The following VPS53 variants were observed in gnomAD, a reference collection of about 807,000 sequenced individuals.
VPS53 encodes VPS53 subunit of GARP complex, also known as vacuolar protein sorting-associated protein 53 homolog.
In VPS53, 70 loss-of-function variants were observed where a neutral mutation model predicts 107.0. That is an observed-to-expected ratio of 0.65 (90% CI 0.54 to 0.80). VPS53 has a LOEUF of 0.80. Ranked by LOEUF, VPS53 falls within the 30% of genes least tolerant of loss-of-function variation. VPS53 has a pLI of 0.00. For synonymous variants in VPS53, 409 were observed against 393.3 expected, an observed-to-expected ratio of 1.04 and a Z score of -0.47; for missense variants, 917 against 1,049.4, an observed-to-expected ratio of 0.87 and a Z score of 1.74.
intron 11 of VPS53, chr17:616,506 TC>T (rs1969140889): frequency 6.6e-6 from 1 of 152,322 alleles, no homozygotes; most frequent in African/African-American, 2.4e-5. Context: ...GCTCAAGTGT[TC>T]CTAGCTGACC....
At chr17:649,802 T>A (rs1238189326) in intron 7 of VPS53, among the ~76,000 whole-genome samples, 1 of 152,248 alleles carries the variant, frequency 6.6e-6, no homozygotes, top group Non-Finnish European at 1.5e-5. Flanking sequence ...ACCCAGTGCT[T>A]TAACAAACAC....
chr17:637,477 C>T (rs1374376210), intron 7 of VPS53, among the ~76,000 whole-genome samples: 3 of 152,144 alleles, frequency 2.0e-5, no homozygotes, highest in African/African-American at 7.2e-5. Flanking sequence ...AATGTGTTTG[C>T]TCTTGCTTCT....
chr17:654,882 A>C lies in VPS53; in HGVS notation c.488+956T>G, dbSNP rs138800352. Among the ~76,000 whole-genome samples, 1,048 of 152,220 alleles carry C rather than the reference A, an allele frequency of 6.9e-3. 7 individuals are homozygous for C. Among genetic ancestry groups the C allele is most frequent in the Middle Eastern group, 0.031 (9 of 292 alleles). ...TGCCTGGTCTGATGGTTTGGTGGAC[A>C]CCGACCACCCCACGAAGGAACAAAT... is the stretch of plus-strand genomic sequence containing the variant. On this transcript the variant is annotated intron_variant, in intron 6 of 21. Transcript: ENST00000437048.
At chr17:702,197 T>C (rs1973225691) in intron 2 of VPS53, among the ~76,000 whole-genome samples, 1 of 151,312 alleles carries the variant, frequency 6.6e-6, no homozygotes. Context: ...TACAAAAAAA[T>C]AGAAAAATTA....
intron 4 of VPS53, among the ~76,000 whole-genome samples, chr17:663,950 G>A (rs1295274794): frequency 1.3e-5 from 2 of 152,172 alleles, no homozygotes; most frequent in Non-Finnish European, 2.9e-5. Context: ...TGAATTGACA[G>A]GTGTGGTGAA....
intron 4 of VPS53, among the ~76,000 whole-genome samples, chr17:688,008 G>A (rs1361260588): frequency 2.0e-5 from 3 of 152,118 alleles, no homozygotes; most frequent in Non-Finnish European, 4.4e-5. Flanking sequence ...GTCCTTCACT[G>A]TACATAGAGG....
At position 697,442 on chromosome 17, in the gene VPS53, C is replaced by T. The variant is rs79177788; in HGVS notation, c.261G>A (p.Thr87=). Reference sequence around the variant, plus strand: ...CTTGCCGTCCATCCTGCCCCACGTTCGTCTGACCTCTTACAACAGTTCGAA... The same window carrying T: ...CTTGCCGTCCATCCTGCCCCACGTTTGTCTGACCTCTTACAACAGTTCGAA... ...DNIRTVVRGQ[T]NVGQDGRQAL... Residue 87 remains threonine (T), a synonymous_variant, in exon 4 of 22, where the codon ACG becomes ACA. Transcript: ENST00000437048. 3.1e-6 allele frequency: 5 copies of T among 1,614,054 alleles called. No homozygotes were observed. The highest frequency in any genetic ancestry group is 1.3e-5 in the African/African-American group (1 of 75,040).
chr17:541,322 C>T (rs962377117), intron 17 of VPS53, among the ~76,000 whole-genome samples: 1 of 152,204 alleles, frequency 6.6e-6, no homozygotes, highest in Non-Finnish European at 1.5e-5. Flanking sequence ...GTTTATCAAC[C>T]GCCTGCCACA....
intron 11 of VPS53, among the ~76,000 whole-genome samples, chr17:611,941 T>C (rs1258435396): frequency 6.6e-6 from 1 of 151,948 alleles, no homozygotes; most frequent in Non-Finnish European, 1.5e-5. Flanking sequence ...TGAAAACCTG[T>C]ACAGATATTC....
rs7212329 is a variant in VPS53, at chr17:535,422, G to C, written c.2015+1606C>G. Among the ~76,000 whole-genome samples the C allele has an allele frequency of 2.0e-3, 244 of 124,358 alleles. 3 individuals are homozygous for C. Among genetic ancestry groups the C allele is most frequent in the African/African-American group, 6.4e-3 (233 of 36,506 alleles). The allele number at this position is 124,358 out of a possible 152,430, so 81.6% of individuals were successfully genotyped here. A position where few individuals can be genotyped will look rare whatever the true frequency, so the allele number is the denominator to read the frequency against. ...GGCTAAGTCAACGGACTCCTCCTTC[G>C]CTTTAATGTAAGCTCAATCATATGA... On this transcript the variant is annotated intron_variant, in intron 18 of 21. Transcript: ENST00000437048.
intron 5 of VPS53, among the ~76,000 whole-genome samples, chr17:656,539 G>A (rs145709452): frequency 6.8e-4 from 103 of 152,290 alleles, no homozygotes; most frequent in African/African-American, 2.4e-3. Context: ...TGACAGTGTT[G>A]TTTCAGCAGG....
chr17:698,903 C>G (rs1366514682), intron 3 of VPS53, among the ~76,000 whole-genome samples: 1 of 152,026 alleles, frequency 6.6e-6, no homozygotes, highest in Non-Finnish European at 1.5e-5. Context: ...TGCGGTGGCT[C>G]ACCCCTGTCA....
rs202196748 is a variant in VPS53, at chr17:661,893, C to T, written c.288G>A (p.Ala96=). The T allele has an allele frequency of 1.8e-5, 28 of 1,551,740 alleles. No homozygotes were observed. The highest frequency in any genetic ancestry group is 3.9e-5 in the Admixed American group (2 of 50,920). ...QTNVGQDGRQ[A]LEEAQKAIQQ... Reference sequence around the variant, plus strand: ...GGATAGCTTTCTGAGCCTCTTCAAGCGCCTAGAGTAAGGGAAATACATGAA... The same window carrying T: ...GGATAGCTTTCTGAGCCTCTTCAAGTGCCTAGAGTAAGGGAAATACATGAA... Residue 96 remains alanine (A), a splice_region_variant and synonymous_variant, in exon 5 of 22, where the codon GCG becomes GCA. Coordinates refer to ENST00000437048, the MANE Select transcript of VPS53 (RefSeq NM_001128159.3).
At chr17:623,409 G>GAAAT in intron 11 of VPS53, 124 bp downstream of exon 11, 8 of 1,180,918 alleles carry the variant, frequency 6.8e-6, no homozygotes, top group Non-Finnish European at 9.4e-6. Context: ...GCAGCTCAGT[G>GAAAT]AAATCACTGC....
chr17:714,579 C>G, intron 1 of VPS53, 44 bp downstream of exon 1: 1 of 1,566,216 alleles, frequency 6.4e-7, no homozygotes, highest in Non-Finnish European at 8.7e-7. Context: ...TGCCGTCTCC[C>G]CTCCCGCACT....
chr17:650,341 T>A (rs1970890751), intron 7 of VPS53, among the ~76,000 whole-genome samples: 1 of 151,710 alleles, frequency 6.6e-6, no homozygotes, highest in South Asian at 2.1e-4. Flanking sequence ...CAGAAAAATG[T>A]TAAAAATCAG....
intron 8 of VPS53, among the ~76,000 whole-genome samples, chr17:630,567 A>G (rs1312848394): frequency 1.3e-5 from 2 of 152,268 alleles, no homozygotes; most frequent in African/African-American, 4.8e-5. Flanking sequence ...ACTAGCAGAC[A>G]GCCACAAAAT....
chr17:631,506 G>A, intron 8 of VPS53, 44 bp downstream of exon 8: 1 of 1,590,738 alleles, frequency 6.3e-7, no homozygotes, highest in Non-Finnish European at 8.6e-7. Flanking sequence ...AGCTCGGCAA[G>A]GATGGTGATC....
At chr17:631,056 C>T (rs1468250498) in intron 8 of VPS53, among the ~76,000 whole-genome samples, 1 of 152,008 alleles carries the variant, frequency 6.6e-6, no homozygotes, top group African/African-American at 2.4e-5. Context: ...ACAAACAGCT[C>T]TGCTACCAGA....
Sources: allele counts gnomAD v4.1 joint callset (sites outside exome capture counted in the v4.1 genomes callset), GRCh38; gene constraint gnomAD v4.1.1; transcripts MANE v1.5; gene names NCBI Gene and HGNC (gene_info 2026-07-23, HGNC 2026-07-21).